TM9SF2: variants seen among roughly 807,000 people sequenced by gnomAD.
TM9SF2 encodes 76 kDa membrane protein.
In TM9SF2, 13 loss-of-function variants were observed where a neutral mutation model predicts 84.9. That is an observed-to-expected ratio of 0.15 (90% CI 0.10 to 0.24). The LOEUF (loss-of-function observed/expected upper bound fraction) is 0.24, where lower values mean the gene tolerates loss of function less well. TM9SF2 is among the 10% of genes least tolerant of loss of function. TM9SF2 has a pLI of 1.00. For missense variants in TM9SF2, 562 were observed against 818.5 expected, an observed-to-expected ratio of 0.69 and a Z score of 3.82; for synonymous variants, 273 against 285.8, an observed-to-expected ratio of 0.96 and a Z score of 0.45.
rs185755211 is a variant in TM9SF2 at position 99,526,340 on chromosome 13, C to T, written c.334-3127C>T. ...GATTTAACCAGGTTTGTGGTTTTAA[C>T]AAGTGAATACCAAAAAAGTGAGAGA... On this transcript the variant is annotated intron_variant, in intron 3 of 16. Transcript: ENST00000376387. Among the ~76,000 whole-genome samples the T allele has an allele frequency of 5.7e-3, 870 of 152,300 alleles. 8 individuals are homozygous for T. The highest frequency in any genetic ancestry group is 9.6e-3 in the Non-Finnish European group (653 of 68,030).
intron 4 of TM9SF2, among the ~76,000 whole-genome samples, chr13:99,532,773 A>G (rs1273940194): frequency 6.6e-6 from 1 of 152,244 alleles, no homozygotes; most frequent in African/African-American, 2.4e-5. Context: ...AAGAATAAAT[A>G]CAGTAGTGTA....
chr13:99,508,404 A>AACACACACAC (rs61561266), intron 1 of TM9SF2, among the ~76,000 whole-genome samples: 2,984 of 134,426 alleles, frequency 0.022, 58 homozygotes, highest in East Asian at 0.074. Context: ...AGGCAAACAA[A>AACACACACAC]ACACACACAC....
chr13:99,539,978 A>T (rs2046251141), intron 7 of TM9SF2, among the ~76,000 whole-genome samples: 1 of 152,212 alleles, frequency 6.6e-6, no homozygotes, highest in Admixed American at 6.5e-5. Context: ...TCATTAACGA[A>T]GTTTCTTAAA....
intron 3 of TM9SF2, among the ~76,000 whole-genome samples, chr13:99,523,538 G>A (rs964490975): frequency 5.9e-5 from 9 of 152,188 alleles, no homozygotes; most frequent in Admixed American, 2.6e-4. Flanking sequence ...TTTTATATTT[G>A]ACTTCTGTTT....
intron 12 of TM9SF2, among the ~76,000 whole-genome samples, chr13:99,550,393 A>G (rs1447015737): frequency 2.0e-5 from 3 of 152,202 alleles, no homozygotes; most frequent in African/African-American, 7.2e-5. Flanking sequence ...AAGTTTGCCA[A>G]TAATGTTCCC....
chr13:99,508,589 C>G (rs935072340), intron 1 of TM9SF2, among the ~76,000 whole-genome samples: 3 of 151,948 alleles, frequency 2.0e-5, no homozygotes, highest in Non-Finnish European at 4.4e-5. Flanking sequence ...GTTTAATTGG[C>G]CCACAGTTCT....
intron 3 of TM9SF2, among the ~76,000 whole-genome samples, chr13:99,521,898 G>T (rs1421574727): frequency 6.6e-6 from 1 of 151,840 alleles, no homozygotes; most frequent in Non-Finnish European, 1.5e-5. Context: ...ATAGAGACAG[G>T]GTCTCACTCT....
At chr13:99,522,624 C>T (rs1368372769) in intron 3 of TM9SF2, among the ~76,000 whole-genome samples, 1 of 152,202 alleles carries the variant, frequency 6.6e-6, no homozygotes, top group Admixed American at 6.5e-5. Context: ...CTCTCAGCCC[C>T]ATCTCTCTAC....
At chr13:99,548,295 A>G (rs959186189) in intron 11 of TM9SF2, among the ~76,000 whole-genome samples, 15 of 152,244 alleles carry the variant, frequency 9.9e-5, no homozygotes, top group African/African-American at 3.6e-4. Flanking sequence ...CTGAAATTAT[A>G]GTAAACCCAG....
At chr13:99,545,852 A>G (rs930281539) in intron 10 of TM9SF2, among the ~76,000 whole-genome samples, 10 of 152,208 alleles carry the variant, frequency 6.6e-5, no homozygotes, top group Admixed American at 6.5e-4. Flanking sequence ...GGCGTGAGCT[A>G]CCACACCCAG....
chr13:99,536,955 T>A (rs1175207231), intron 5 of TM9SF2, among the ~76,000 whole-genome samples: 2 of 152,150 alleles, frequency 1.3e-5, no homozygotes, highest in African/African-American at 4.8e-5. Flanking sequence ...TTTACTGAGA[T>A]TGTCTGTTGT....
At chr13:99,504,414 C>T (rs2046080186) in intron 1 of TM9SF2, among the ~76,000 whole-genome samples, 1 of 152,162 alleles carries the variant, frequency 6.6e-6, no homozygotes, top group Non-Finnish European at 1.5e-5. Flanking sequence ...ATGACATATT[C>T]CCCTTGAAAG....
rs2046350274 is a variant in TM9SF2 at position 99,562,881 on chromosome 13, TA to T, written c.*125del. 3 of 841,424 alleles carry T rather than the reference TA, an allele frequency of 3.6e-6. No individual in the cohort carries two copies. The highest frequency in any genetic ancestry group is 1.7e-5 in the African/African-American group (1 of 58,660). The allele number at this position is 841,424 out of a possible 1,614,324, so 52.1% of individuals were successfully genotyped here. On this transcript the variant is annotated 3_prime_UTR_variant, in exon 17 of 17. Transcript: ENST00000376387. ...GCCTAGTAATCCTTCAGAAACACCG[TA>T]ATTCTAAATAAACCTCTTCCCATAC...
At chr13:99,535,719 A>G (rs921721931) in intron 4 of TM9SF2, among the ~76,000 whole-genome samples, 1 of 152,236 alleles carries the variant, frequency 6.6e-6, no homozygotes, top group Non-Finnish European at 1.5e-5. Context: ...TTAATTAACA[A>G]ATAAAACATG....
At chr13:99,543,280 T>C (rs907072553) in intron 9 of TM9SF2, among the ~76,000 whole-genome samples, 1 of 152,238 alleles carries the variant, frequency 6.6e-6, no homozygotes, top group Non-Finnish European at 1.5e-5. Flanking sequence ...TACCATCTAA[T>C]GTACAGTATA....
chr13:99,525,970 TG>T (rs942225135), intron 3 of TM9SF2, among the ~76,000 whole-genome samples: 1 of 152,214 alleles, frequency 6.6e-6, no homozygotes, highest in Non-Finnish European at 1.5e-5. Context: ...GTCCTTGCTC[TG>T]GCAAGAAGGG....
intron 11 of TM9SF2, 31 bp downstream of exon 11, chr13:99,547,135 A>T (rs370013497): frequency 6.2e-7 from 1 of 1,612,374 alleles, no homozygotes; most frequent in African/African-American, 1.3e-5. Flanking sequence ...CTGGCGTCTG[A>T]TCAGGAAGGG....
rs1373502424 is a variant in TM9SF2, at chr13:99,539,299, A to T, written c.717-147A>T. 4.1e-5 allele frequency: 25 copies of T among 615,742 alleles called. No individual in the cohort carries two copies. The Admixed American group carries it at 5.0e-4, about 12-fold the overall frequency. The allele number at this position is 615,742 out of a possible 1,614,324, so 38.1% of individuals were successfully genotyped here. A position where few individuals can be genotyped will look rare whatever the true frequency, so the allele number is the denominator to read the frequency against. On this transcript the variant is annotated intron_variant, in intron 6 of 16. Coordinates refer to ENST00000376387, the MANE Select transcript of TM9SF2 (RefSeq NM_004800.3). The stretch of plus-strand genomic sequence containing the variant: ...ATGTTTATAATTTTGTACACATATG[A>T]TGTAAATATTTATGCTATTAAGTGT...
In TM9SF2 at chr13:99,541,558, G is replaced by A; in HGVS notation, c.909-1G>A. On this transcript the variant is annotated splice_acceptor_variant, in intron 8 of 16. Transcript: ENST00000376387. LOFTEE classifies it high-confidence loss of function. ...TACTCATGATGTGCTTATTTCTACA[G>A]CATTATGAATTCCCTGGTCATTGTT... The A allele has an allele frequency of 6.2e-7, 1 of 1,606,090 alleles. No individual in the cohort carries two copies. Among genetic ancestry groups the A allele is most frequent in the Non-Finnish European group, 8.5e-7 (1 of 1,174,156 alleles).
Sources: allele counts gnomAD v4.1 joint callset (sites outside exome capture counted in the v4.1 genomes callset), GRCh38; gene constraint gnomAD v4.1.1; transcripts MANE v1.5; gene names NCBI Gene and HGNC (gene_info 2026-07-23, HGNC 2026-07-21).